The following AHSG variants were observed in gnomAD, a reference collection of about 807,000 sequenced individuals.
AHSG encodes the protein alpha-2-HS-glycoprotein.
AHSG carries 23 observed loss-of-function variants against 30.1 expected under a neutral mutation model. The ratio of observed to expected loss-of-function variants is 0.76; its 90% confidence interval spans 0.55 to 1.08. The LOEUF is 1.08. Ranked by LOEUF, AHSG falls within the 50% of genes least tolerant of loss-of-function variation. AHSG has a pLI of 0.00. For synonymous variants in AHSG, 164 were observed against 186.3 expected (o/e 0.88, Z 0.98); for missense variants, 469 against 459.5 (o/e 1.02, Z -0.19).
intron 1 of AHSG, among the ~76,000 whole-genome samples, chr3:186,615,050 T>C (rs1485895137): frequency 6.6e-6 from 1 of 151,666 alleles, no homozygotes; most frequent in Non-Finnish European, 1.5e-5. Flanking sequence ...CAGGGGGAAG[T>C]AGAGAGCAGC....
chr3:186,619,954 G>C lies in AHSG; in HGVS notation c.759+14G>C. ...TTCCAAACACAGGTAACAGCTCCGT[G>C]AATATTCTTGCCTACACCTTCAGAA... is the stretch of plus-strand genomic sequence containing the variant. On this transcript the variant is annotated intron_variant, in intron 6 of 6. Transcript: ENST00000411641. 6.3e-7 allele frequency: 1 copy of C among 1,597,300 alleles called. No homozygotes were observed. The highest frequency in any genetic ancestry group is 8.5e-7 in the Non-Finnish European group (1 of 1,170,510).
chr3:186,617,492 A>G (rs1349984017), intron 4 of AHSG, 142 bp downstream of exon 4: 2 of 1,473,878 alleles, frequency 1.4e-6, no homozygotes, highest in Non-Finnish European at 9.3e-7. Context: ...TGGAAAGGGA[A>G]GAAAGCATCC....
Position 186,616,490 on chromosome 3 carries a change from G to A in AHSG, c.372G>A (p.Lys124=). The change falls in exon 3 of 7, where the codon AAG becomes AAA. Residue 124 remains lysine (K), a synonymous_variant. Transcript: ENST00000411641. ...CDFQLLKLDG[K]FSVVYAKCDS... ...TCCAGCTGTTGAAACTAGATGGCAA[G>A]TTTTCCGTGGTATACGCAAAATGTG... is the stretch of plus-strand genomic sequence containing the variant. 6.2e-7 allele frequency: 1 copy of A among 1,613,240 alleles called. No individual in the cohort carries two copies. Among genetic ancestry groups the A allele is most frequent in the South Asian group, 1.1e-5 (1 of 90,764 alleles).
At chr3:186,619,762 GT>G in intron 5 of AHSG, 94 bp from the exon 6 acceptor site, 1 of 959,174 alleles carries the variant, frequency 1.0e-6, no homozygotes, top group Non-Finnish European at 1.6e-6. Flanking sequence ...AAGAAAAATG[GT>G]TTTTCAAACT....
chr3:186,616,536 G>T lies in AHSG; in HGVS notation c.409+9G>T. On this transcript the variant is annotated intron_variant, in intron 3 of 6. Coordinates refer to ENST00000411641, the MANE Select transcript of AHSG (RefSeq NM_001622.4). Reference sequence around the variant, plus strand: ...ATGTGATTCCAGTCCAGGTACAGATGACTATTCTTATTCTCATTTTTTCCT... The same window carrying T: ...ATGTGATTCCAGTCCAGGTACAGATTACTATTCTTATTCTCATTTTTTCCT... 1 of 1,599,412 alleles carries T rather than the reference G, an allele frequency of 6.3e-7. No individual in the cohort carries two copies. Among genetic ancestry groups the T allele is most frequent in the South Asian group, 1.1e-5 (1 of 88,830 alleles).
chr3:186,616,481 A>T lies in AHSG; in HGVS notation c.363A>T (p.Leu121=), dbSNP rs370042922. 12 of 1,613,546 alleles carry T rather than the reference A, an allele frequency of 7.4e-6. No homozygotes were observed. In the African/African-American group the frequency reaches 1.6e-4, roughly 21 times the overall value. Residue 121 remains leucine (L), a synonymous_variant, in exon 3 of 7, where the codon CTA becomes CTT. Coordinates refer to ENST00000411641, the MANE Select transcript of AHSG (RefSeq NM_001622.4). ...EGDCDFQLLK[L]DGKFSVVYAK... ...ACTGTGATTTCCAGCTGTTGAAACT[A>T]GATGGCAAGTTTTCCGTGGTATACG... is the stretch of plus-strand genomic sequence containing the variant.
chr3:186,618,428 G>T (rs1046702909), intron 4 of AHSG, 108 bp from the exon 5 acceptor site: 47 of 1,529,418 alleles, frequency 3.1e-5, no homozygotes, highest in Non-Finnish European at 4.2e-5. Context: ...CCGACGCATG[G>T]TCTGCATGAA....
chr3:186,619,955 AAT>A lies in AHSG; in HGVS notation c.759+18_759+19del, dbSNP rs1716427887. 1 of 1,597,688 alleles carries A rather than the reference AAT, an allele frequency of 6.3e-7. No homozygotes were observed. On this transcript the variant is annotated intron_variant, in intron 6 of 6. Coordinates refer to ENST00000411641, the MANE Select transcript of AHSG (RefSeq NM_001622.4). ...TCCAAACACAGGTAACAGCTCCGTG[AAT>A]ATTCTTGCCTACACCTTCAGAATAC...
At chr3:186,615,631 C>T in intron 1 of AHSG, 54 bp from the exon 2 acceptor site, 1 of 1,467,946 alleles carries the variant, frequency 6.8e-7, no homozygotes, top group Non-Finnish European at 9.6e-7. Context: ...CCGTGGACCG[C>T]ACCACAGGAT....
chr3:186,617,479 G>C (rs1015916923), intron 4 of AHSG, 129 bp downstream of exon 4: 19 of 1,523,714 alleles, frequency 1.2e-5, no homozygotes, highest in Non-Finnish European at 1.6e-5. Context: ...GGAGAGGGTT[G>C]TTTGGAAAGG....
At chr3:186,618,943 G>C (rs1716394177) in intron 5 of AHSG, among the ~76,000 whole-genome samples, 1 of 152,172 alleles carries the variant, frequency 6.6e-6, no homozygotes, top group Non-Finnish European at 1.5e-5. Flanking sequence ...ATATAACTCT[G>C]ATACAAAAGC....
At chr3:186,618,809 G>C (rs1716390425) in intron 5 of AHSG, among the ~76,000 whole-genome samples, 172 bp downstream of exon 5, 2 of 152,162 alleles carry the variant, frequency 1.3e-5, no homozygotes, top group Admixed American at 1.3e-4. Context: ...ATCCCTTTAA[G>C]AGCTGTCATC....
Position 186,613,370 on chromosome 3 carries a change from G to A in AHSG, c.213+16G>A. 1 of 1,597,450 alleles carries A rather than the reference G, an allele frequency of 6.3e-7. No homozygotes were observed. The highest frequency in any genetic ancestry group is 1.1e-5 in the South Asian group (1 of 88,252). ...GTGGCCTCAGGTAAGTGGACCTGCT[G>A]TCTATGAGCTGAAATAATGTGTACA... On this transcript the variant is annotated intron_variant, in intron 1 of 6. Transcript: ENST00000411641.
In AHSG at chr3:186,620,976, C is replaced by T; in HGVS notation, c.*46C>T. 6.4e-7 allele frequency: 1 copy of T among 1,569,736 alleles called. No individual in the cohort carries two copies. Among genetic ancestry groups the T allele is most frequent in the South Asian group, 1.2e-5 (1 of 86,666 alleles). On this transcript the variant is annotated 3_prime_UTR_variant, in exon 7 of 7. Coordinates refer to ENST00000411641, the MANE Select transcript of AHSG (RefSeq NM_001622.4). ...GGAGGTTTGGCACAGAAAACATAGC[C>T]ACCATTTTGTCCAAGCCTGGGCATG...
At chr3:186,620,092 C>T (rs553019044) in intron 6 of AHSG, 152 bp downstream of exon 6, 2 of 555,362 alleles carry the variant, frequency 3.6e-6, no homozygotes, top group Non-Finnish European at 6.1e-6. Context: ...GAATCATCAA[C>T]AAATGGAAGG....
chr3:186,619,325 A>C (rs139819122), intron 5 of AHSG, among the ~76,000 whole-genome samples: 4 of 152,262 alleles, frequency 2.6e-5, no homozygotes, highest in Non-Finnish European at 4.4e-5. Context: ...AAAAGAATTC[A>C]TCAGTGACAT....
intron 3 of AHSG, 133 bp from the exon 4 acceptor site, chr3:186,617,054 T>G: frequency 6.7e-7 from 1 of 1,496,622 alleles, no homozygotes; most frequent in East Asian, 2.3e-5. Flanking sequence ...AAAAGCCTTT[T>G]GAAGGTTTAG....
chr3:186,616,122 G>A (rs1349153046), intron 2 of AHSG, among the ~76,000 whole-genome samples: 3 of 152,128 alleles, frequency 2.0e-5, no homozygotes, highest in African/African-American at 7.2e-5. Context: ...GCTTGAACCC[G>A]GGAGGTGGAG....
At position 186,616,551 on chromosome 3, in the gene AHSG, C is replaced by T. The variant is rs566679913; in HGVS notation, c.409+24C>T. On this transcript the variant is annotated intron_variant, in intron 3 of 6. Transcript: ENST00000411641. The stretch of plus-strand genomic sequence containing the variant: ...AGGTACAGATGACTATTCTTATTCT[C>T]ATTTTTTCCTTGTAGAGAAAGTGGG... 70 of 1,567,682 alleles carry T rather than the reference C, an allele frequency of 4.5e-5. No individual in the cohort carries two copies. In the South Asian group the frequency reaches 7.6e-4, roughly 17 times the overall value.
Sources: allele counts gnomAD v4.1 joint callset (sites outside exome capture counted in the v4.1 genomes callset), GRCh38; gene constraint gnomAD v4.1.1; transcripts MANE v1.5; gene names NCBI Gene and HGNC (gene_info 2026-07-23, HGNC 2026-07-21).